Variants in SRGAP2B observed in about 807,000 individuals in gnomAD.
SRGAP2B encodes the protein SLIT-ROBO Rho GTPase-activating protein 2B.
A neutral mutation model predicts 22.2 loss-of-function variants in SRGAP2B; 9 were observed. The ratio of observed to expected loss-of-function variants is 0.41; its 90% CI spans 0.24 to 0.71. The LOEUF (loss-of-function observed/expected upper bound fraction) is 0.71. Ranked by LOEUF, SRGAP2B falls within the 30% of genes least tolerant of loss-of-function variation. The pLI, the probability that SRGAP2B is intolerant of heterozygous loss-of-function variation, is 0.35. For synonymous variants in SRGAP2B, 36 were observed against 87.4 expected (o/e 0.41, Z 3.28); for missense variants, 114 against 235.8 (o/e 0.48, Z 3.38).
chr1:144,920,414 A>G (rs1664148873), intron 4 of SRGAP2B, among the ~76,000 whole-genome samples: 4 of 150,588 alleles, frequency 2.7e-5, no homozygotes, highest in Admixed American at 2.6e-4. Flanking sequence ...CTGGGACGAC[A>G]GATGTGTACA....
intron 7 of SRGAP2B, among the ~76,000 whole-genome samples, chr1:144,902,752 A>T (rs1662727488): frequency 7.5e-6 from 1 of 133,986 alleles, no homozygotes; most frequent in Admixed American, 8.0e-5. Context: ...ACAGAGAGAG[A>T]CTCCTTCTCA....
chr1:145,016,757 G>T (rs1381697717), intron 2 of SRGAP2B, among the ~76,000 whole-genome samples: 9 of 141,352 alleles, frequency 6.4e-5, no homozygotes, highest in Non-Finnish European at 1.4e-4. Context: ...GATTTTACAT[G>T]TCTCAAAAAG....
intron 2 of SRGAP2B, among the ~76,000 whole-genome samples, chr1:145,044,396 G>GA (rs1353168298): frequency 1.6e-5 from 2 of 127,580 alleles, no homozygotes; most frequent in Non-Finnish European, 3.3e-5. Context: ...CGATATTCAG[G>GA]AAAAAAAACT....
intron 3 of SRGAP2B, among the ~76,000 whole-genome samples, chr1:144,971,417 C>G (rs1182361721): frequency 1.3e-5 from 2 of 150,280 alleles, no homozygotes; most frequent in Non-Finnish European, 2.9e-5. Context: ...AGGTGTGAAC[C>G]ACCGCACCCG....
At position 144,987,263 on chromosome 1, in the gene SRGAP2B, T is replaced by TA. The variant is rs1208285907; in HGVS notation, c.260+7744dup. Among the ~76,000 whole-genome samples, 4 of 152,094 alleles carry TA rather than the reference T, an allele frequency of 2.6e-5. 1 individual carries two copies. The highest frequency in any genetic ancestry group is 1.9e-4 in the East Asian group (1 of 5,168). ...CTATATTAAGAGAAACTCTACTTTATAGTCACCCAGAACAATAACTACACT... is the reference window on the plus strand; with the variant it reads ...CTATATTAAGAGAAACTCTACTTTATAAGTCACCCAGAACAATAACTACACT... On this transcript the variant is annotated intron_variant, in intron 3 of 9. Transcript: ENST00000612199.
intron 4 of SRGAP2B, among the ~76,000 whole-genome samples, chr1:144,941,581 TAA>T (rs1666056084): frequency 6.7e-6 from 1 of 148,420 alleles, no homozygotes; most frequent in African/African-American, 2.6e-5. Context: ...GTAGAAAAAC[TAA>T]AAGACCAGAG....
At chr1:145,075,886 A>G (rs1652452939) in intron 2 of SRGAP2B, among the ~76,000 whole-genome samples, 1 of 149,440 alleles carries the variant, frequency 6.7e-6, no homozygotes, top group African/African-American at 2.5e-5. Flanking sequence ...TCAGGAGTTC[A>G]AGACCAGCCT....
chr1:145,045,064 A>C (rs1183741862), intron 2 of SRGAP2B, among the ~76,000 whole-genome samples: 1 of 126,158 alleles, frequency 7.9e-6, no homozygotes, highest in African/African-American at 3.0e-5. Flanking sequence ...AATTTAAAAC[A>C]AAAAAAAAAG....
intron 4 of SRGAP2B, among the ~76,000 whole-genome samples, chr1:144,920,373 C>T (rs1553348194): frequency 2.0e-5 from 3 of 150,452 alleles, no homozygotes; most frequent in Non-Finnish European, 4.4e-5. Context: ...TCAACTGTCA[C>T]GTGATCCTCC....
In SRGAP2B at chr1:144,904,133, CA is replaced by C. The variant is rs1345955274; in HGVS notation, c.831+957del. ...ATATTTTTAAAAATGGGCCAGATGT[CA>C]GGGGGAGCTGGATACCTTCCTGACA... On this transcript the variant is annotated intron_variant, in intron 7 of 9. Coordinates refer to ENST00000612199, the Ensembl canonical transcript of SRGAP2B. 8.7e-5 allele frequency among the ~76,000 whole-genome samples: 13 copies of C among 148,934 alleles called. 1 individual carries two copies. Among genetic ancestry groups the C allele is most frequent in the African/African-American group, 3.1e-4 (12 of 39,334 alleles).
intron 2 of SRGAP2B, among the ~76,000 whole-genome samples, chr1:145,065,198 T>C (rs1363146132): frequency 1.3e-5 from 2 of 152,086 alleles, no homozygotes; most frequent in African/African-American, 2.4e-5. Flanking sequence ...GTTTCAATTA[T>C]AAAACTTGGG....
chr1:144,979,050 TG>T (rs1291953048), intron 3 of SRGAP2B, among the ~76,000 whole-genome samples: 3 of 151,816 alleles, frequency 2.0e-5, no homozygotes, highest in African/African-American at 4.8e-5. Context: ...TTTTTGTTGT[TG>T]TTTTTTTTTG....
chr1:144,943,173 A>G (rs185038325), intron 4 of SRGAP2B, among the ~76,000 whole-genome samples: 317 of 135,994 alleles, frequency 2.3e-3, no homozygotes, highest in African/African-American at 8.9e-3. Flanking sequence ...ATTTTGCAGG[A>G]CATCTGGCTT....
intron 4 of SRGAP2B, among the ~76,000 whole-genome samples, chr1:144,915,690 C>T (rs1295747595): frequency 6.6e-6 from 1 of 151,210 alleles, no homozygotes; most frequent in Non-Finnish European, 1.5e-5. Flanking sequence ...TGCGCCATTG[C>T]ACTCCAGCCT....
chr1:144,942,577 G>A (rs1236241991), intron 4 of SRGAP2B, among the ~76,000 whole-genome samples: 3 of 150,322 alleles, frequency 2.0e-5, no homozygotes, highest in Non-Finnish European at 2.9e-5. Context: ...ACACCACGAC[G>A]CCTGGCTAAT....
chr1:145,017,094 G>T (rs1432886759), intron 2 of SRGAP2B, among the ~76,000 whole-genome samples: 2 of 139,936 alleles, frequency 1.4e-5, no homozygotes, highest in African/African-American at 2.8e-5. Flanking sequence ...GGAGTAGCTA[G>T]GATTATAAGT....
At chr1:144,960,485 T>C (rs1324872348) in intron 3 of SRGAP2B, among the ~76,000 whole-genome samples, 7 of 150,118 alleles carry the variant, frequency 4.7e-5, no homozygotes, top group Non-Finnish European at 1.0e-4. Context: ...TAGCCCAGCT[T>C]TTCTCCCTCA....
At chr1:144,943,769 ATTAT>A (rs1666253152) in intron 4 of SRGAP2B, among the ~76,000 whole-genome samples, 1 of 149,194 alleles carries the variant, frequency 6.7e-6, no homozygotes, top group Non-Finnish European at 1.5e-5. Context: ...TCATAGCAGC[ATTAT>A]TTATAACATA....
chr1:144,926,580 G>C (rs1553605038), intron 4 of SRGAP2B, among the ~76,000 whole-genome samples: 1 of 151,376 alleles, frequency 6.6e-6, no homozygotes, highest in Non-Finnish European at 1.5e-5. Flanking sequence ...GGGTTGGCCT[G>C]GTGTGGTGGC....
Sources: gnomAD v4.1 joint callset for allele counts (sites outside exome capture counted in the v4.1 genomes callset) on GRCh38, gnomAD v4.1.1 for gene constraint, MANE v1.5 for transcripts, NCBI Gene and HGNC (gene_info 2026-07-23, HGNC 2026-07-21) for gene names.